Variants in MPV17L observed in about 807,000 individuals in gnomAD.
MPV17L encodes the protein MPV17 mitochondrial inner membrane protein like.
Under a neutral mutation model 25.8 loss-of-function variants are expected in MPV17L, and 24 were observed. That is an observed-to-expected ratio of 0.93 (90% CI 0.67 to 1.31). MPV17L has a LOEUF of 1.31. Among genes scored for constraint, MPV17L ranks in the 50% most tolerant of loss-of-function variants. MPV17L has a pLI of 0.00. For synonymous variants in MPV17L, 102 were observed against 115.3 expected, an observed-to-expected ratio of 0.88 and a Z score of 0.74; for missense variants, 250 against 265.6, an observed-to-expected ratio of 0.94 and a Z score of 0.41.
chr16:15,403,685 A>AG (rs1257053912), intron 2 of MPV17L, among the ~76,000 whole-genome samples: 4 of 151,682 alleles, frequency 2.6e-5, no homozygotes, highest in South Asian at 2.1e-4. Context: ...AAAAAAAAAA[A>AG]AGAGAGCAGG....
rs769557629 is a variant in MPV17L at position 15,408,710 on chromosome 16, C to A, written c.*598C>A. The A allele has an allele frequency of 6.9e-6, 1 of 144,454 alleles. No homozygotes were observed. The highest frequency in any genetic ancestry group is 1.5e-5 in the Non-Finnish European group (1 of 67,024). The allele number at this position is 144,454 out of a possible 1,614,324, so 8.9% of individuals were successfully genotyped here. A position where few individuals can be genotyped will look rare whatever the true frequency, so the allele number is the denominator to read the frequency against. ...CTCCATCCTCTGGGTTCAAGCAATT[C>A]TCCTGCCTCAGGCTCCTGAGTAGCT... is the stretch of plus-strand genomic sequence containing the variant. On this transcript the variant is annotated 3_prime_UTR_variant, in exon 4 of 4. Transcript: ENST00000396385.
In MPV17L at chr16:15,410,122, T is replaced by G. The variant is rs1457976250; in HGVS notation, c.*2010T>G. ...TTATTCAGTTCTACACTTTATTAAC[T>G]TCTACACCAGCAGATTTAAAAATTA... is the stretch of plus-strand genomic sequence containing the variant. On this transcript the variant is annotated 3_prime_UTR_variant, in exon 4 of 4. Transcript: ENST00000396385. 1.3e-5 allele frequency: 2 copies of G among 152,168 alleles called. No homozygotes were observed. The highest frequency in any genetic ancestry group is 6.6e-5 in the Admixed American group (1 of 15,262). The allele number at this position is 152,168 out of a possible 1,614,324, so 9.4% of individuals were successfully genotyped here.
chr16:15,404,876 G>A (rs1328257077), intron 2 of MPV17L, among the ~76,000 whole-genome samples: 1 of 152,096 alleles, frequency 6.6e-6, no homozygotes, highest in Admixed American at 6.6e-5. Context: ...GGGAAATGTT[G>A]AATGTCAGAT....
At chr16:15,403,166 G>A (rs1191602074) in intron 2 of MPV17L, among the ~76,000 whole-genome samples, 2 of 150,656 alleles carry the variant, frequency 1.3e-5, no homozygotes, top group Non-Finnish European at 1.5e-5. Context: ...TCAGGAGATC[G>A]AGACCATCCT....
intron 1 of MPV17L, among the ~76,000 whole-genome samples, chr16:15,398,155 T>C (rs1475954887): frequency 6.6e-6 from 1 of 152,118 alleles, no homozygotes; most frequent in African/African-American, 2.4e-5. Context: ...GCAATTCTCC[T>C]GCCTCAGCCT....
In MPV17L at chr16:15,395,841, G is replaced by T; in HGVS notation, c.-57G>T. 7.4e-7 allele frequency: 1 copy of T among 1,349,306 alleles called. No homozygotes were observed. Among genetic ancestry groups the T allele is most frequent in the Non-Finnish European group, 9.5e-7 (1 of 1,054,584 alleles). 83.6% of individuals were successfully genotyped at this position (1,349,306 alleles called of 1,614,324 possible). A position where few individuals can be genotyped will look rare whatever the true frequency, so the allele number is the denominator to read the frequency against. On this transcript the variant is annotated 5_prime_UTR_variant, in exon 1 of 4. Transcript: ENST00000396385. ...CTGGAGGCTGGGGAGGCCCGGACCC[G>T]GTGCAGGAAGACGCCGACCACGCGG...
At chr16:15,397,077 G>A (rs998375656) in intron 1 of MPV17L, among the ~76,000 whole-genome samples, 13 of 152,106 alleles carry the variant, frequency 8.5e-5, no homozygotes, top group African/African-American at 3.1e-4. Context: ...TTTGATCAAT[G>A]GGAGTTTTAC....
chr16:15,401,086 A>ATATATATATATATAT (rs1491107374), intron 2 of MPV17L, among the ~76,000 whole-genome samples: 6 of 19,862 alleles, frequency 3.0e-4, no homozygotes, highest in Non-Finnish European at 5.4e-4. Flanking sequence ...ATATATATAT[A>ATATATATATATATAT]TTTTTTTTTT....
chr16:15,396,643 A>G (rs2050587825), intron 1 of MPV17L, among the ~76,000 whole-genome samples: 1 of 152,094 alleles, frequency 6.6e-6, no homozygotes. Flanking sequence ...GTCGTGGGAC[A>G]GGGAAGGAAC....
chr16:15,407,114 C>G (rs1261191132), intron 2 of MPV17L, among the ~76,000 whole-genome samples: 1 of 151,764 alleles, frequency 6.6e-6, no homozygotes, highest in Non-Finnish European at 1.5e-5. Context: ...ATTGATGATT[C>G]TGTATTTACA....
intron 1 of MPV17L, among the ~76,000 whole-genome samples, chr16:15,398,195 C>T (rs1391763965): frequency 1.3e-5 from 2 of 152,082 alleles, no homozygotes; most frequent in South Asian, 2.1e-4. Context: ...AGATGCACAC[C>T]ACCATGCCCA....
Position 15,402,071 on chromosome 16 carries a change from G to C in MPV17L, c.381+1214G>C, listed in dbSNP as rs189896593. On this transcript the variant is annotated intron_variant, in intron 2 of 3. Coordinates refer to ENST00000396385, the MANE Select transcript of MPV17L (RefSeq NM_001128423.2). The stretch of plus-strand genomic sequence containing the variant: ...CAATGTTTTCAGGTGAGCATCCTGC[G>C]GAGTCCTGGTGAAAAGAACTTTAAC... Among the ~76,000 whole-genome samples the C allele has an allele frequency of 2.6e-5, 4 of 152,228 alleles. No homozygotes were observed. The East Asian group carries it at 7.7e-4, about 29-fold the overall frequency.
chr16:15,405,657 G>T lies in MPV17L; in HGVS notation c.382-2167G>T, dbSNP rs577901987. 5.9e-5 allele frequency among the ~76,000 whole-genome samples: 9 copies of T among 151,580 alleles called. No homozygotes were observed. In the South Asian group the frequency reaches 1.9e-3, roughly 32 times the overall value. Reference sequence around the variant, plus strand: ...ACACAGGGTTTCTACATGTTGGTCAGGCTGGTCTCAAACTCACGACTTCAG... The same window carrying T: ...ACACAGGGTTTCTACATGTTGGTCATGCTGGTCTCAAACTCACGACTTCAG... On this transcript the variant is annotated intron_variant, in intron 2 of 3. Transcript: ENST00000396385.
intron 2 of MPV17L, among the ~76,000 whole-genome samples, chr16:15,403,476 C>T (rs2050656539): frequency 6.6e-6 from 1 of 151,030 alleles, no homozygotes; most frequent in East Asian, 2.0e-4. Flanking sequence ...AGTTTGAGAC[C>T]AGCCTGCGCA....
intron 1 of MPV17L, chr16:15,399,340 C>T (rs571689219): frequency 2.2e-6 from 1 of 446,388 alleles, no homozygotes; most frequent in Admixed American, 2.5e-5. Context: ...TTTTAAAGTA[C>T]TCTCAGTTTT....
At chr16:15,397,513 C>T (rs1240700767) in intron 1 of MPV17L, among the ~76,000 whole-genome samples, 1 of 152,116 alleles carries the variant, frequency 6.6e-6, no homozygotes, top group African/African-American at 2.4e-5. Flanking sequence ...AGGAGGGGCC[C>T]TGTGGCCTCT....
At chr16:15,399,375 T>C in intron 1 of MPV17L, 1 of 454,568 alleles carries the variant, frequency 2.2e-6, no homozygotes, top group South Asian at 1.6e-5. Flanking sequence ...ATAGGAGAGC[T>C]TTGCCTTGCT....
chr16:15,401,058 G>GTATATATATATATATA (rs548012835), intron 2 of MPV17L, among the ~76,000 whole-genome samples: 30 of 44,248 alleles, frequency 6.8e-4, no homozygotes, highest in Admixed American at 1.0e-3. Flanking sequence ...ATGTGTGTGT[G>GTATATATATATATATA]TATATATATA....
chr16:15,398,235 G>A (rs1234010492), intron 1 of MPV17L, among the ~76,000 whole-genome samples: 2 of 151,962 alleles, frequency 1.3e-5, no homozygotes, highest in African/African-American at 2.4e-5. Flanking sequence ...ATGGAGATGG[G>A]GTTTCACCAT....
Sources: gnomAD v4.1 joint callset for allele counts (sites outside exome capture counted in the v4.1 genomes callset) on GRCh38, gnomAD v4.1.1 for gene constraint, MANE v1.5 for transcripts, NCBI Gene and HGNC (gene_info 2026-07-23, HGNC 2026-07-21) for gene names.